The following NTRK3 variants were observed in gnomAD, a reference collection of about 807,000 sequenced individuals.
NTRK3 encodes neurotrophic receptor tyrosine kinase 3, also known as NT-3 growth factor receptor.
In NTRK3, 24 loss-of-function variants were observed where a neutral mutation model predicts 91.7. The observed-to-expected ratio is 0.26, with a 90% CI of 0.19 to 0.37. The LOEUF is 0.37. NTRK3 is among the 10% of genes least tolerant of loss of function. The pLI, the probability that NTRK3 is intolerant of heterozygous loss-of-function variation, is 1.00. For missense variants in NTRK3, 880 were observed against 1,068.9 expected (o/e 0.82, Z 2.46); for synonymous variants, 483 against 404.0 (o/e 1.20, Z -2.34).
intron 13 of NTRK3, among the ~76,000 whole-genome samples, chr15:88,078,644 C>T (rs1331785704): frequency 1.3e-5 from 2 of 152,088 alleles, no homozygotes; most frequent in African/African-American, 2.4e-5. Context: ...AGTGAGACTC[C>T]ATCTCAAAGT....
chr15:88,131,653 G>C (rs542345149), intron 10 of NTRK3, among the ~76,000 whole-genome samples: 76 of 152,292 alleles, frequency 5.0e-4, no homozygotes, highest in African/African-American at 1.8e-3. Flanking sequence ...GTCTCATAAG[G>C]CTCCCATTTA....
intron 12 of NTRK3, 75 bp from the exon 13 acceptor site, chr15:88,126,448 C>G: frequency 1.1e-6 from 1 of 908,678 alleles, no homozygotes; most frequent in South Asian, 1.4e-5. Context: ...TGTGTGTGCC[C>G]AGATAAGAAC....
chr15:88,159,538 C>T (rs889828144), intron 5 of NTRK3, among the ~76,000 whole-genome samples: 2 of 152,200 alleles, frequency 1.3e-5, no homozygotes, highest in South Asian at 2.1e-4. Flanking sequence ...TTAAGAACCA[C>T]TGATCTGGTG....
chr15:88,250,904 T>G (rs1275216251), intron 3 of NTRK3, among the ~76,000 whole-genome samples: 1 of 152,246 alleles, frequency 6.6e-6, no homozygotes, highest in African/African-American at 2.4e-5. Flanking sequence ...CAAAAATAAT[T>G]TGCAATAGAA....
chr15:88,029,165 T>G (rs2078303313), intron 14 of NTRK3, among the ~76,000 whole-genome samples: 1 of 152,200 alleles, frequency 6.6e-6, no homozygotes, highest in African/African-American at 2.4e-5. Flanking sequence ...GGGGGCTTTA[T>G]TAGGCTTTGG....
chr15:88,178,401 T>C (rs118003330), intron 5 of NTRK3, among the ~76,000 whole-genome samples: 10 of 152,354 alleles, frequency 6.6e-5, no homozygotes, highest in East Asian at 3.9e-4. Flanking sequence ...CACCTCTTCT[T>C]TTCCTATCCG....
chr15:88,043,055 T>A (rs939746991), intron 13 of NTRK3, among the ~76,000 whole-genome samples: 3 of 152,212 alleles, frequency 2.0e-5, no homozygotes, highest in Non-Finnish European at 2.9e-5. Context: ...CCCATGACAT[T>A]TCCAGTAAAC....
intron 14 of NTRK3, among the ~76,000 whole-genome samples, chr15:87,986,923 T>G (rs1347621664): frequency 1.3e-5 from 2 of 151,984 alleles, no homozygotes; most frequent in Non-Finnish European, 2.9e-5. Context: ...CAAATGAGAG[T>G]GTTCCAGTAA....
chr15:88,221,925 C>G (rs1043728253), intron 3 of NTRK3, among the ~76,000 whole-genome samples: 1 of 152,206 alleles, frequency 6.6e-6, no homozygotes, highest in African/African-American at 2.4e-5. Flanking sequence ...ATACAGCTTA[C>G]GCGGCACTGC....
chr15:87,903,325 G>T (rs1186063223), intron 17 of NTRK3, among the ~76,000 whole-genome samples: 2 of 152,222 alleles, frequency 1.3e-5, no homozygotes, highest in East Asian at 3.9e-4. Flanking sequence ...AAGATAAGAT[G>T]CAGACCAAGA....
chr15:88,164,693 CTCTG>C (rs1239531453), intron 5 of NTRK3, among the ~76,000 whole-genome samples: 1 of 152,174 alleles, frequency 6.6e-6, no homozygotes, highest in African/African-American at 2.4e-5. Context: ...CTGCCCCCAT[CTCTG>C]TCTTACTTCC....
Position 87,979,360 on chromosome 15 carries a change from T to C in NTRK3, c.1586-38607A>G, listed in dbSNP as rs750848354. The C allele has an allele frequency of 2.7e-5, 43 of 1,612,866 alleles. 1 individual carries two copies. The highest frequency in any genetic ancestry group is 2.2e-5 in the East Asian group (1 of 44,872). Reference sequence around the variant, plus strand: ...AAAGGAGTTTTTAAAAGCCATGACGTCCTTTGCTGAAATAAACATTGACAT... The same window carrying C: ...AAAGGAGTTTTTAAAAGCCATGACGCCCTTTGCTGAAATAAACATTGACAT... On this transcript the variant is annotated intron_variant, in intron 14 of 18. Coordinates refer to ENST00000394480, the Ensembl canonical transcript of NTRK3.
intron 14 of NTRK3, among the ~76,000 whole-genome samples, chr15:87,963,000 T>A (rs1415275057): frequency 2.0e-5 from 3 of 152,226 alleles, no homozygotes; most frequent in Non-Finnish European, 4.4e-5. Context: ...AACATCTTGA[T>A]GTTACCTGAA....
At chr15:87,927,956 C>T (rs2068464415) in intron 17 of NTRK3, 1 of 152,196 alleles carries the variant, frequency 6.6e-6, no homozygotes, top group South Asian at 2.1e-4. Flanking sequence ...CCTTTGATGT[C>T]CCAAAAATAG....
At chr15:88,002,168 GTTTTTTTTTTTT>G (rs770668339) in intron 14 of NTRK3, among the ~76,000 whole-genome samples, 1 of 70,184 alleles carries the variant, frequency 1.4e-5, no homozygotes, top group Non-Finnish European at 2.7e-5. Context: ...GATAGTGGTT[GTTTTTTTTTTTT>G]TTTTTTTTTT....
intron 13 of NTRK3, among the ~76,000 whole-genome samples, chr15:88,061,306 C>T (rs1233264718): frequency 6.6e-6 from 1 of 152,206 alleles, no homozygotes; most frequent in Non-Finnish European, 1.5e-5. Context: ...AGTTTGAATG[C>T]TTATCCATCA....
rs970972092 is a variant in NTRK3, at chr15:87,928,775, G to A, written c.2133+416C>T. ...TACATAATCACAAGATAATTTCAGAGAATAAAATGTGTCATGGGTGAGGCT... is the reference window on the plus strand; with the variant it reads ...TACATAATCACAAGATAATTTCAGAAAATAAAATGTGTCATGGGTGAGGCT... On this transcript the variant is annotated intron_variant, in intron 17 of 18. Transcript: ENST00000394480. The A allele has an allele frequency of 8.3e-5, 22 of 265,032 alleles. 1 individual carries two copies. The highest frequency in any genetic ancestry group is 4.4e-4 in the African/African-American group (20 of 45,868). The allele number at this position is 265,032 out of a possible 1,614,324, so 16.4% of individuals were successfully genotyped here. A position where few individuals can be genotyped will look rare whatever the true frequency, so the allele number is the denominator to read the frequency against.
At chr15:88,207,456 T>A (rs988645368) in intron 3 of NTRK3, among the ~76,000 whole-genome samples, 1 of 152,198 alleles carries the variant, frequency 6.6e-6, no homozygotes, top group African/African-American at 2.4e-5. Flanking sequence ...TTCTGTTAAA[T>A]CTATCTGAAG....
intron 14 of NTRK3, among the ~76,000 whole-genome samples, chr15:87,952,866 C>A (rs1208344909): frequency 6.6e-6 from 1 of 152,140 alleles, no homozygotes; most frequent in Non-Finnish European, 1.5e-5. Flanking sequence ...CCGCCGCCCC[C>A]TCTAAGCCTC....
Sources: gnomAD v4.1 joint callset for allele counts (sites outside exome capture counted in the v4.1 genomes callset) on GRCh38, gnomAD v4.1.1 for gene constraint, MANE v1.5 for transcripts, NCBI Gene and HGNC (gene_info 2026-07-23, HGNC 2026-07-21) for gene names.